Variants in RYR2 observed in about 807,000 individuals in gnomAD.
The protein encoded by RYR2 is cardiac muscle ryanodine receptor-calcium release channel.
Under a neutral mutation model 601.1 loss-of-function variants are expected in RYR2, and 227 were observed. The observed-to-expected ratio is 0.38, with a 90% CI of 0.34 to 0.42. The LOEUF (loss-of-function observed/expected upper bound fraction) is 0.42, where lower values mean the gene tolerates loss of function less well. RYR2 is among the 10% of genes least tolerant of loss of function. The pLI is 1.00. For missense variants in RYR2, 4,646 were observed against 6,156.5 expected, an observed-to-expected ratio of 0.75 and a Z score of 8.21; for synonymous variants, 2,223 against 2,175.1, an observed-to-expected ratio of 1.02 and a Z score of -0.61.
intron 83 of RYR2, among the ~76,000 whole-genome samples, chr1:237,760,062 C>G (rs1204016792): frequency 6.6e-6 from 1 of 151,854 alleles, no homozygotes; most frequent in South Asian, 2.1e-4. Flanking sequence ...GTAATAATGT[C>G]TTAAAATAGC....
At chr1:237,117,226 A>G (rs1160212456) in intron 1 of RYR2, among the ~76,000 whole-genome samples, 1 of 152,148 alleles carries the variant, frequency 6.6e-6, no homozygotes, top group Non-Finnish European at 1.5e-5. Context: ...GACAACAGTG[A>G]GAAGTACAGT....
rs377473366 is a variant in RYR2, at chr1:237,654,374, G to A, written c.7925G>A (p.Arg2642Lys). 87 of 1,613,902 alleles carry A rather than the reference G, an allele frequency of 5.4e-5. No individual in the cohort carries two copies. In the African/African-American group the frequency reaches 1.1e-3, roughly 20 times the overall value. The change falls in exon 52 of 105, where the codon AGA (arginine) becomes AAA (lysine). Residue 2642 changes from arginine (R) to lysine (K), a missense_variant. Arg to Lys is a conservative substitution (Grantham distance 26). This residue lies in a region of RYR2 where 1,497 missense variants were observed against 1,842.6 expected (regional missense o/e 0.81). Coordinates refer to ENST00000366574, the MANE Select transcript of RYR2 (RefSeq NM_001035.3). ...AASEEELHLSRKLFWGIFDAL... is the reference protein window; with the variant it reads ...AASEEELHLSKKLFWGIFDAL... ...TCAGAAGAAGAACTTCATTTATCAA[G>A]AAAGTTGTTCTGGGGCATTTTTGAT...
At chr1:237,483,206 A>AC (rs1662309313) in intron 17 of RYR2, among the ~76,000 whole-genome samples, 1 of 152,152 alleles carries the variant, frequency 6.6e-6, no homozygotes, top group Non-Finnish European at 1.5e-5. Flanking sequence ...TCCATTCAGC[A>AC]TTTCTCTACC....
At chr1:237,779,658 A>C (rs913045045) in intron 88 of RYR2, among the ~76,000 whole-genome samples, 5 of 152,362 alleles carry the variant, frequency 3.3e-5, no homozygotes, top group Middle Eastern at 3.4e-3. Context: ...TATATTGTCA[A>C]AGATCAGCAG....
At chr1:237,088,556 G>T (rs766789081) in intron 1 of RYR2, among the ~76,000 whole-genome samples, 3 of 152,136 alleles carry the variant, frequency 2.0e-5, no homozygotes, top group Non-Finnish European at 4.4e-5. Context: ...AAAGCCAGGG[G>T]CATTGGTGTT....
chr1:237,475,169 A>T (rs1343561422), intron 17 of RYR2, among the ~76,000 whole-genome samples: 1 of 152,192 alleles, frequency 6.6e-6, no homozygotes, highest in Non-Finnish European at 1.5e-5. Context: ...AGAGAAATTC[A>T]ATAAGTGAGC....
At chr1:237,474,057 G>T (rs1661086395) in intron 17 of RYR2, among the ~76,000 whole-genome samples, 1 of 151,886 alleles carries the variant, frequency 6.6e-6, no homozygotes, top group South Asian at 2.1e-4. Context: ...AACACAAACG[G>T]CAAAGCTGGA....
chr1:237,158,049 A>T (rs907229543), intron 1 of RYR2, among the ~76,000 whole-genome samples: 13 of 152,312 alleles, frequency 8.5e-5, no homozygotes, highest in Non-Finnish European at 1.3e-4. Flanking sequence ...AATTGTAAAA[A>T]CCCTCAGAAT....
intron 79 of RYR2, among the ~76,000 whole-genome samples, chr1:237,740,973 GACTAATA>G (rs1691557104): frequency 6.6e-6 from 1 of 152,140 alleles, no homozygotes; most frequent in African/African-American, 2.4e-5. Context: ...AATCCTGGCT[GACTAATA>G]ACATGGGAGA....
chr1:237,387,430 A>C (rs752544096), intron 9 of RYR2, 50 bp downstream of exon 9: 1 of 1,525,782 alleles, frequency 6.6e-7, no homozygotes, highest in East Asian at 2.3e-5. Flanking sequence ...CAAAGTTGAC[A>C]GTCATCTTTG....
At chr1:237,802,865 T>C (rs1486438614) in intron 98 of RYR2, among the ~76,000 whole-genome samples, 1 of 152,246 alleles carries the variant, frequency 6.6e-6, no homozygotes, top group Admixed American at 6.5e-5. Context: ...TCTTGCTTTG[T>C]AGTTTTTTTG....
At chr1:237,558,610 A>G (rs1223041492) in intron 27 of RYR2, among the ~76,000 whole-genome samples, 4 of 152,134 alleles carry the variant, frequency 2.6e-5, no homozygotes, top group Admixed American at 2.6e-4. Flanking sequence ...TTTATCCCCA[A>G]AGTTTACTGT....
At chr1:237,575,001 G>T (rs1308255603) in intron 29 of RYR2, among the ~76,000 whole-genome samples, 1 of 152,152 alleles carries the variant, frequency 6.6e-6, no homozygotes, top group Non-Finnish European at 1.5e-5. Flanking sequence ...CCGGTATGTT[G>T]ATCAAGGGGC....
At chr1:237,409,664 A>G (rs567115898) in intron 10 of RYR2, among the ~76,000 whole-genome samples, 19 of 152,278 alleles carry the variant, frequency 1.2e-4, no homozygotes. Flanking sequence ...ATTCTGTGGT[A>G]TATCACAGAA....
intron 48 of RYR2, among the ~76,000 whole-genome samples, chr1:237,645,517 A>G (rs1264271959): frequency 1.3e-5 from 2 of 152,224 alleles, no homozygotes; most frequent in African/African-American, 4.8e-5. Flanking sequence ...AGTGACATAC[A>G]GATTAGGAAA....
intron 7 of RYR2, 103 bp downstream of exon 7, chr1:237,374,898 G>T: frequency 1.2e-6 from 1 of 845,180 alleles, no homozygotes; most frequent in Non-Finnish European, 1.9e-6. Context: ...TGTTCTTATG[G>T]ATGGAGTCAG....
At chr1:237,605,864 T>A (rs1677065818) in intron 35 of RYR2, among the ~76,000 whole-genome samples, 1 of 151,464 alleles carries the variant, frequency 6.6e-6, no homozygotes, top group South Asian at 2.1e-4. Context: ...TTACAAGGGA[T>A]GTGAAGGACC....
intron 12 of RYR2, among the ~76,000 whole-genome samples, chr1:237,427,889 A>T (rs12122723): frequency 6.6e-6 from 1 of 151,460 alleles, no homozygotes; most frequent in African/African-American, 2.4e-5. Flanking sequence ...AGGATATTGC[A>T]TGGTATTGAA....
intron 4 of RYR2, among the ~76,000 whole-genome samples, chr1:237,362,053 A>G (rs900576874): frequency 6.6e-6 from 1 of 152,138 alleles, no homozygotes; most frequent in Non-Finnish European, 1.5e-5. Context: ...AGCAATAGCA[A>G]TTTCTCTTCC....
Sources: allele counts gnomAD v4.1 joint callset (sites outside exome capture counted in the v4.1 genomes callset), GRCh38; gene constraint gnomAD v4.1.1; regional missense constraint gnomAD v4.1.1; transcripts MANE v1.5; gene names NCBI Gene and HGNC (gene_info 2026-07-23, HGNC 2026-07-21).